The following SH3TC2 variants were observed in gnomAD, a reference collection of about 807,000 sequenced individuals.
SH3TC2 encodes the protein SH3 domain and tetratricopeptide repeats 2.
SH3TC2 carries 87 observed loss-of-function variants against 124.5 expected under a neutral mutation model. The observed-to-expected ratio is 0.70, with a 90% CI of 0.59 to 0.84. SH3TC2 has a LOEUF of 0.84. SH3TC2 is among the 40% of genes least tolerant of loss of function. The pLI, the probability that SH3TC2 is intolerant of heterozygous loss-of-function variation, is 0.00. For synonymous variants in SH3TC2, 634 were observed against 628.5 expected (o/e 1.01, Z -0.13); for missense variants, 1,536 against 1,566.4 (o/e 0.98, Z 0.33).
chr5:149,022,455 T>C (rs1048281194), intron 12 of SH3TC2, among the ~76,000 whole-genome samples: 3 of 152,190 alleles, frequency 2.0e-5, no homozygotes, highest in Non-Finnish European at 2.9e-5. Context: ...AGAAAAATAG[T>C]GCAGCCACTT....
rs575937427 is a variant in SH3TC2 at position 149,026,671 on chromosome 5, T to C, written c.2954A>G (p.Glu985Gly). The change falls in exon 12 of 17, where the codon GAG (glutamate) becomes GGG (glycine). Residue 985 changes from glutamate to glycine, a missense_variant. Transcript: ENST00000515425. ...TTGCTGAGCCAGGGCCAGCCAGTGC[T>C]CATGGTAGGTGATGCATGCCTCAGG... ...PNPEACITYH[E>G]HWLALAQQLR... 723 of 1,614,138 alleles carry C rather than the reference T, an allele frequency of 4.5e-4. 1 individual carries two copies. Among genetic ancestry groups the C allele is most frequent in the South Asian group, 2.1e-3 (194 of 91,076 alleles).
rs1395693370 is a variant in SH3TC2, at chr5:148,990,081, A to G, written c.*14630T>C. On this transcript the variant is annotated 3_prime_UTR_variant, in exon 17 of 17. Coordinates refer to ENST00000515425, the MANE Select transcript of SH3TC2 (RefSeq NM_024577.4). The stretch of plus-strand genomic sequence containing the variant: ...AAGCCAGTTTTCCCTGCTTTCTCTC[A>G]TGGGTGAACCATCCTGGGGAAACTG... 6.6e-6 allele frequency among the ~76,000 whole-genome samples: 1 copy of G among 151,900 alleles called. No homozygotes were observed. The highest frequency in any genetic ancestry group is 1.5e-5 in the Non-Finnish European group (1 of 67,984).
chr5:149,017,999 T>C (rs1256276786), intron 12 of SH3TC2, among the ~76,000 whole-genome samples: 1 of 152,262 alleles, frequency 6.6e-6, no homozygotes, highest in South Asian at 2.1e-4. Context: ...AGAGATCATA[T>C]GGCCCACAAG....
In SH3TC2 at chr5:148,988,762, C is replaced by T. The variant is rs1010558241; in HGVS notation, c.*15949G>A. Among the ~76,000 whole-genome samples, 2 of 152,210 alleles carry T rather than the reference C, an allele frequency of 1.3e-5. No individual in the cohort carries two copies. Among genetic ancestry groups the T allele is most frequent in the African/African-American group, 4.8e-5 (2 of 41,466 alleles). ...ATTGCCCGGGTGAGCCCAGTCAATCCATCAGACCAACAGATGATGATAAGC... is the reference window on the plus strand; with the variant it reads ...ATTGCCCGGGTGAGCCCAGTCAATCTATCAGACCAACAGATGATGATAAGC... On this transcript the variant is annotated 3_prime_UTR_variant, in exon 17 of 17. Coordinates refer to ENST00000515425, the MANE Select transcript of SH3TC2 (RefSeq NM_024577.4).
rs1371086293 is a variant in SH3TC2 at position 149,061,596 on chromosome 5, A to G, written c.52+1375T>C. 2.0e-5 allele frequency among the ~76,000 whole-genome samples: 3 copies of G among 152,238 alleles called. No individual in the cohort carries two copies. In the East Asian group the frequency reaches 5.8e-4, roughly 29 times the overall value. On this transcript the variant is annotated intron_variant, in intron 1 of 16. Transcript: ENST00000515425. The stretch of plus-strand genomic sequence containing the variant: ...AAAAGCTACAGATAAGGAAACTGAA[A>G]CACAGAGAAGTTAAATAAGTTGTCG...
Position 149,027,592 on chromosome 5 carries a change from C to G in SH3TC2, c.2140G>C (p.Val714Leu), listed in dbSNP as rs1303051798. ...MSLPIWQVHL[V>L]LQNTTKLLGF... ...AGGAGCTTGGTTGTGTTCTGGAGGA[C>G]AAGGTGGACCTGCCAAATAGGAAGA... Residue 714 changes from valine to leucine, a missense_variant, in exon 11 of 17, where the codon GTC becomes CTC. Physicochemically the swap from Val to Leu is conservative, Grantham distance 32 (BLOSUM62 1). Transcript: ENST00000515425. 3.1e-6 allele frequency: 5 copies of G among 1,614,136 alleles called. No individual in the cohort carries two copies. In the Admixed American group the frequency reaches 5.0e-5, roughly 16 times the overall value.
intron 14 of SH3TC2, among the ~76,000 whole-genome samples, chr5:149,009,398 CTA>C (rs3070591): frequency 0.41 from 61,628 of 151,806 alleles, 12,691 homozygotes; most frequent in South Asian, 0.47. Flanking sequence ...GTGGTCATTT[CTA>C]TGTTTTTATC....
In SH3TC2 at chr5:148,989,754, T is replaced by C. The variant is rs1217382983; in HGVS notation, c.*14957A>G. Among the ~76,000 whole-genome samples the C allele has an allele frequency of 6.6e-5, 10 of 152,146 alleles. No individual in the cohort carries two copies. The highest frequency in any genetic ancestry group is 6.5e-4 in the Admixed American group (10 of 15,284). On this transcript the variant is annotated 3_prime_UTR_variant, in exon 17 of 17. Coordinates refer to ENST00000515425, the MANE Select transcript of SH3TC2 (RefSeq NM_024577.4). ...AGGGGATCTGGAGAGTGACCCAGGA[T>C]AGAGTGAGTCACAGGGACCCAAGAG...
chr5:149,013,387 C>T (rs1361076368), intron 12 of SH3TC2, among the ~76,000 whole-genome samples: 1 of 152,134 alleles, frequency 6.6e-6, no homozygotes, highest in African/African-American at 2.4e-5. Context: ...GTGAGGCCTC[C>T]CCAGCCATAT....
chr5:149,062,661 CG>C (rs2127405995), intron 1 of SH3TC2, among the ~76,000 whole-genome samples: 1 of 152,258 alleles, frequency 6.6e-6, no homozygotes, highest in African/African-American at 2.4e-5. Flanking sequence ...GGGGGGATCT[CG>C]GGAAGAAAGG....
chr5:149,039,606 A>G (rs925861549), intron 7 of SH3TC2, among the ~76,000 whole-genome samples: 10 of 152,250 alleles, frequency 6.6e-5, no homozygotes, highest in African/African-American at 2.4e-4. Flanking sequence ...ACATTGTAAG[A>G]GAAACTGTGC....
rs187043087 is a variant in SH3TC2 at position 149,037,623 on chromosome 5, G to A, written c.1001+672C>T. Reference sequence around the variant, plus strand: ...CTCCCTTTCCTCGTGTACTTCCTGCGCCCAGGCTTTCTACTGTTTCCTATC... The same window carrying A: ...CTCCCTTTCCTCGTGTACTTCCTGCACCCAGGCTTTCTACTGTTTCCTATC... On this transcript the variant is annotated intron_variant, in intron 8 of 16. Coordinates refer to ENST00000515425, the MANE Select transcript of SH3TC2 (RefSeq NM_024577.4). Among the ~76,000 whole-genome samples, 242 of 152,222 alleles carry A rather than the reference G, an allele frequency of 1.6e-3. 1 individual carries two copies. The highest frequency in any genetic ancestry group is 2.6e-3 in the Non-Finnish European group (178 of 68,020).
chr5:149,062,402 T>A (rs369921154), intron 1 of SH3TC2: 1 of 531,224 alleles, frequency 1.9e-6, no homozygotes, highest in Non-Finnish European at 3.9e-6. Context: ...TAATGGCTGG[T>A]CACCCTAAGT....
chr5:149,032,173 T>G lies in SH3TC2; in HGVS notation c.1002-486A>C, dbSNP rs148525676. Among the ~76,000 whole-genome samples the G allele has an allele frequency of 2.6e-3, 399 of 152,256 alleles. 4 individuals are homozygous for G. Among genetic ancestry groups the G allele is most frequent in the East Asian group, 0.015 (77 of 5,162 alleles). On this transcript the variant is annotated intron_variant, in intron 8 of 16. Coordinates refer to ENST00000515425, the MANE Select transcript of SH3TC2 (RefSeq NM_024577.4). ...AAGAACAATGAAGAAAATCTGACCA[T>G]GGTCAGAGGAATCTTTCACCATTGT...
In SH3TC2 at chr5:149,027,066, G is replaced by A. The variant is rs1754077981; in HGVS notation, c.2666C>T (p.Ser889Phe). The stretch of plus-strand genomic sequence containing the variant: ...GTTTCTGGCTGGATGCTGAGCCCAG[G>A]ACTTAAGGCTCAGGTGGCCAAGATT... ...MANLGHLSLK[S>F]WAQHPARNYL... Residue 889 changes from serine (S) to phenylalanine (F), a missense_variant, in exon 11 of 17, where the codon TCC becomes TTC. Coordinates refer to ENST00000515425, the MANE Select transcript of SH3TC2 (RefSeq NM_024577.4). 1 of 1,614,036 alleles carries A rather than the reference G, an allele frequency of 6.2e-7. No homozygotes were observed.
At position 148,982,239 on chromosome 5, in the gene SH3TC2, G is replaced by A. The variant is rs951322877; in HGVS notation, c.*22472C>T. 1.3e-5 allele frequency among the ~76,000 whole-genome samples: 2 copies of A among 152,012 alleles called. No individual in the cohort carries two copies. The highest frequency in any genetic ancestry group is 4.8e-5 in the African/African-American group (2 of 41,380). ...TATTAAACACTCAAAGACAACATTA[G>A]TAACTGGCTGTGTTGGGGAGGGCCT... On this transcript the variant is annotated 3_prime_UTR_variant, in exon 17 of 17. Transcript: ENST00000515425.
intron 5 of SH3TC2, among the ~76,000 whole-genome samples, 187 bp downstream of exon 5, chr5:149,042,507 C>T (rs1249081771): frequency 3.3e-5 from 5 of 152,178 alleles, no homozygotes; most frequent in Admixed American, 6.5e-5. Context: ...CTGACCAGCA[C>T]AGCTGTTCGT....
intron 12 of SH3TC2, among the ~76,000 whole-genome samples, chr5:149,022,672 G>A (rs894982164): frequency 6.6e-6 from 1 of 152,232 alleles, no homozygotes; most frequent in African/African-American, 2.4e-5. Flanking sequence ...ATAAACAAAT[G>A]TAGTATATCA....
In SH3TC2 at chr5:148,999,343, G is replaced by A. The variant is rs189202481; in HGVS notation, c.*5368C>T. ...TATAATTCTGACAGCCCTGGGCTCA[G>A]GGAAGTTAATTAATTTGCAGAAGGT... On this transcript the variant is annotated 3_prime_UTR_variant, in exon 17 of 17. Coordinates refer to ENST00000515425, the MANE Select transcript of SH3TC2 (RefSeq NM_024577.4). 3.1e-3 allele frequency among the ~76,000 whole-genome samples: 471 copies of A among 152,288 alleles called. 9 individuals carry two copies. Among genetic ancestry groups the A allele is most frequent in the Non-Finnish European group, 1.3e-3 (91 of 68,028 alleles).
Sources: allele counts gnomAD v4.1 joint callset (sites outside exome capture counted in the v4.1 genomes callset), GRCh38; gene constraint gnomAD v4.1.1; transcripts MANE v1.5; gene names NCBI Gene and HGNC (gene_info 2026-07-23, HGNC 2026-07-21).